The following NLGN1 variants were observed in gnomAD, a reference collection of about 807,000 sequenced individuals.
NLGN1 encodes neuroligin 1.
Under a neutral mutation model 65.5 loss-of-function variants are expected in NLGN1, and 12 were observed. The observed-to-expected ratio is 0.18, with a 90% CI of 0.12 to 0.30. NLGN1 has a LOEUF of 0.30. Ranked by LOEUF, NLGN1 falls within the 10% of genes least tolerant of loss-of-function variation. NLGN1 has a pLI of 1.00. For missense variants in NLGN1, 750 were observed against 1,007.1 expected, an observed-to-expected ratio of 0.74 and a Z score of 3.46; for synonymous variants, 350 against 359.5, an observed-to-expected ratio of 0.97 and a Z score of 0.30.
At chr3:173,673,074 A>G (rs1699954746) in intron 3 of NLGN1, among the ~76,000 whole-genome samples, 1 of 152,188 alleles carries the variant, frequency 6.6e-6, no homozygotes, top group African/African-American at 2.4e-5. Context: ...TACTAAATGG[A>G]GACTTTTTAG....
intron 1 of NLGN1, among the ~76,000 whole-genome samples, chr3:173,419,089 ATATC>A (rs1292393265): frequency 3.2e-5 from 2 of 62,410 alleles, no homozygotes; most frequent in East Asian, 4.6e-4. Context: ...GTATATGTCT[ATATC>A]TATCTATCTA....
intron 2 of NLGN1, among the ~76,000 whole-genome samples, chr3:173,471,197 T>A (rs1039204497): frequency 3.3e-5 from 5 of 152,130 alleles, no homozygotes; most frequent in African/African-American, 1.2e-4. Flanking sequence ...TTCTGTGATA[T>A]ATCTACAGGT....
intron 4 of NLGN1, among the ~76,000 whole-genome samples, chr3:173,945,211 C>T (rs1017461248): frequency 5.9e-5 from 9 of 151,884 alleles, no homozygotes; most frequent in Admixed American, 2.0e-4. Flanking sequence ...TGCCTGGTCT[C>T]CCTTTAGAGG....
At chr3:173,424,996 C>T (rs1208864463) in intron 1 of NLGN1, among the ~76,000 whole-genome samples, 5 of 152,110 alleles carry the variant, frequency 3.3e-5, no homozygotes, top group Non-Finnish European at 7.4e-5. Context: ...AAGAAAGAGG[C>T]TTAATTGACT....
rs77312196 is a variant in NLGN1 at position 173,850,531 on chromosome 3, T to A, written c.646+42699T>A. Reference sequence around the variant, plus strand: ...TCTTTTGGGGAGGGTAGTATTTTATTTTTACTCTATCTGCAATTTAGTGTA... The same window carrying A: ...TCTTTTGGGGAGGGTAGTATTTTATATTTACTCTATCTGCAATTTAGTGTA... On this transcript the variant is annotated intron_variant, in intron 4 of 6. Coordinates refer to ENST00000457714, the Ensembl canonical transcript of NLGN1. 2.0e-4 allele frequency among the ~76,000 whole-genome samples: 31 copies of A among 152,262 alleles called. No homozygotes were observed. The East Asian group carries it at 5.8e-3, about 28-fold the overall frequency.
chr3:173,792,908 C>T (rs1713134938), intron 3 of NLGN1, among the ~76,000 whole-genome samples: 1 of 152,088 alleles, frequency 6.6e-6, no homozygotes, highest in African/African-American at 2.4e-5. Context: ...AACATCAAAA[C>T]TAGTGTTAAA....
At chr3:173,880,428 T>G (rs569104873) in intron 4 of NLGN1, among the ~76,000 whole-genome samples, 17 of 151,864 alleles carry the variant, frequency 1.1e-4, no homozygotes, top group Non-Finnish European at 2.1e-4. Context: ...CTCAGATATA[T>G]TGTGTTTCAG....
At chr3:174,140,757 A>T (rs914339613) in intron 4 of NLGN1, among the ~76,000 whole-genome samples, 19 of 152,108 alleles carry the variant, frequency 1.2e-4, no homozygotes, top group Admixed American at 1.2e-3. Flanking sequence ...AAAATCAGTG[A>T]TTTTTACAAA....
intron 4 of NLGN1, among the ~76,000 whole-genome samples, chr3:174,253,948 C>G (rs1745211451): frequency 6.6e-6 from 1 of 152,148 alleles, no homozygotes; most frequent in African/African-American, 2.4e-5. Context: ...TCAGACAGTA[C>G]CTCCAGAGGA....
intron 3 of NLGN1, among the ~76,000 whole-genome samples, chr3:173,782,811 C>A (rs1407574958): frequency 2.0e-5 from 3 of 151,332 alleles, no homozygotes; most frequent in Non-Finnish European, 2.9e-5. Flanking sequence ...CATTCCCCTA[C>A]CCCCCGCTCC....
At chr3:174,145,868 C>T (rs2152695266) in intron 4 of NLGN1, among the ~76,000 whole-genome samples, 1 of 152,330 alleles carries the variant, frequency 6.6e-6, no homozygotes, top group East Asian at 1.9e-4. Flanking sequence ...ATATTACAAA[C>T]TCCAATAGGA....
intron 3 of NLGN1, among the ~76,000 whole-genome samples, chr3:173,616,386 A>G (rs1753081786): frequency 6.6e-6 from 1 of 152,152 alleles, no homozygotes; most frequent in African/African-American, 2.4e-5. Flanking sequence ...GCAAACAAAC[A>G]GAAAAACTTG....
chr3:173,692,694 TG>T (rs1765647437), intron 3 of NLGN1, among the ~76,000 whole-genome samples: 1 of 152,046 alleles, frequency 6.6e-6, no homozygotes, highest in South Asian at 2.1e-4. Flanking sequence ...AAGGCAAAGG[TG>T]AGCTGCTTGA....
At chr3:173,863,374 C>A (rs1262451847) in intron 4 of NLGN1, among the ~76,000 whole-genome samples, 1 of 152,124 alleles carries the variant, frequency 6.6e-6, no homozygotes, top group African/African-American at 2.4e-5. Context: ...TCATTATCAT[C>A]TTTCATATCA....
chr3:174,040,584 A>G (rs1732069038), intron 4 of NLGN1, among the ~76,000 whole-genome samples: 2 of 152,158 alleles, frequency 1.3e-5, no homozygotes, highest in Admixed American at 6.6e-5. Flanking sequence ...CACTACTGAG[A>G]AAATGAATAG....
At chr3:173,711,722 C>T (rs574613831) in intron 3 of NLGN1, among the ~76,000 whole-genome samples, 7 of 152,182 alleles carry the variant, frequency 4.6e-5, no homozygotes, top group African/African-American at 9.6e-5. Flanking sequence ...ATATTGGCTG[C>T]TTATGCTTGT....
intron 3 of NLGN1, among the ~76,000 whole-genome samples, chr3:173,686,973 T>C (rs1009063046): frequency 1.3e-5 from 2 of 151,724 alleles, no homozygotes; most frequent in Admixed American, 1.3e-4. Flanking sequence ...AAAAAAAAGA[T>C]ACTTGTGAAC....
chr3:173,578,592 C>G (rs778101534), intron 2 of NLGN1, among the ~76,000 whole-genome samples: 4 of 152,108 alleles, frequency 2.6e-5, no homozygotes, highest in Non-Finnish European at 5.9e-5. Flanking sequence ...AACATAGACT[C>G]AAATAAACTA....
chr3:173,459,740 C>G (rs1723063081), intron 2 of NLGN1, among the ~76,000 whole-genome samples: 1 of 152,052 alleles, frequency 6.6e-6, no homozygotes. Flanking sequence ...ATAAGCCATA[C>G]ACAGACCTAT....
Sources: allele counts gnomAD v4.1 joint callset (sites outside exome capture counted in the v4.1 genomes callset), GRCh38; gene constraint gnomAD v4.1.1; transcripts MANE v1.5; gene names NCBI Gene and HGNC (gene_info 2026-07-23, HGNC 2026-07-21).